Variants in FH observed in about 807,000 individuals in gnomAD.
FH encodes the protein fumarate hydratase, mitochondrial.
FH carries 22 observed loss-of-function variants against 49.4 expected under a neutral mutation model. The ratio of observed to expected loss-of-function variants is 0.45; its 90% CI spans 0.32 to 0.64. FH has a LOEUF of 0.64. Among genes scored for constraint, FH ranks in the 30% least tolerant of loss-of-function variants. The probability of loss-of-function intolerance (pLI) is 0.05; values close to 1 mark genes in which losing one functional copy is unlikely to be tolerated. For synonymous variants in FH, 208 were observed against 223.0 expected, an observed-to-expected ratio of 0.93 and a Z score of 0.60; for missense variants, 526 against 641.5, an observed-to-expected ratio of 0.82 and a Z score of 1.95.
chr1:241,511,892 TG>T, intron 4 of FH, 74 bp downstream of exon 4: 1 of 1,414,252 alleles, frequency 7.1e-7, no homozygotes, highest in South Asian at 1.2e-5. Flanking sequence ...AAAAAGTGAA[TG>T]CTTGTTTTAC....
At chr1:241,498,323 G>T (rs948990152) in intron 9 of FH, among the ~76,000 whole-genome samples, 2 of 151,920 alleles carry the variant, frequency 1.3e-5, no homozygotes, top group African/African-American at 4.8e-5. Context: ...TGTTTAACTA[G>T]AAACAATTAT....
chr1:241,502,598 A>G (rs777538608), intron 7 of FH, 28 bp from the exon 8 acceptor site: 7 of 1,612,706 alleles, frequency 4.3e-6, no homozygotes, highest in African/African-American at 1.3e-5. Context: ...ATGACAGAGT[A>G]AAGACTAAAT....
chr1:241,509,454 C>T (rs1660023831), intron 4 of FH, among the ~76,000 whole-genome samples: 1 of 152,140 alleles, frequency 6.6e-6, no homozygotes, highest in African/African-American at 2.4e-5. Flanking sequence ...GTGCTCTTTC[C>T]TCAACTGTTG....
intron 6 of FH, among the ~76,000 whole-genome samples, chr1:241,504,702 G>T (rs1412377675): frequency 6.6e-6 from 1 of 151,908 alleles, no homozygotes; most frequent in Non-Finnish European, 1.5e-5. Flanking sequence ...TTGGTCTCCT[G>T]AAGTGCTGGA....
intron 3 of FH, among the ~76,000 whole-genome samples, chr1:241,512,942 T>A (rs1660126988): frequency 6.6e-6 from 1 of 151,720 alleles, no homozygotes; most frequent in Non-Finnish European, 1.5e-5. Context: ...TGTGTGTATA[T>A]GAGAAACACA....
Position 241,517,447 on chromosome 1 carries a change from T to A in FH, c.133-131A>T, listed in dbSNP as rs532298224. 5.3e-6 allele frequency: 5 copies of A among 941,892 alleles called. No individual in the cohort carries two copies. The East Asian group carries it at 1.0e-4, about 20-fold the overall frequency. 58.3% of individuals were successfully genotyped at this position (941,892 alleles called of 1,614,324 possible). ...CAAAGACAAAAAAATACTATTTGGATTCTCATTCTCTTCCTCACTTTCAGG... is the reference window on the plus strand; with the variant it reads ...CAAAGACAAAAAAATACTATTTGGAATCTCATTCTCTTCCTCACTTTCAGG... On this transcript the variant is annotated intron_variant, in intron 1 of 9. Transcript: ENST00000366560.
chr1:241,506,112 G>A lies in FH; in HGVS notation c.795C>T (p.Ala265=), dbSNP rs2147917699. The A allele has an allele frequency of 6.2e-7, 1 of 1,613,818 alleles. No homozygotes were observed. The change falls in exon 6 of 10, where the codon GCC becomes GCT. Residue 265 remains alanine (A), a synonymous_variant. Transcript: ENST00000366560. ...VKYAMTRIKA[A]MPRIYELAAG... is the part of the protein sequence containing the mutation. ...CTGCGAGCTCATAGATTCTTGGCAT[G>A]GCAGCTTTTATTCTTGTCATTGCAT... is the stretch of plus-strand genomic sequence containing the variant.
intron 8 of FH, among the ~76,000 whole-genome samples, chr1:241,501,815 C>CATCTATCG (rs1659788288): frequency 6.6e-6 from 1 of 152,158 alleles, no homozygotes; most frequent in Admixed American, 6.5e-5. Flanking sequence ...TGGCGCGATG[C>CATCTATCG]ATCTATCGAT....
intron 4 of FH, chr1:241,511,749 TA>T (rs1660089199): frequency 1.9e-6 from 1 of 531,242 alleles, no homozygotes; most frequent in South Asian, 2.5e-5. Context: ...TTTTAAACAA[TA>T]AAAAAATACA....
chr1:241,516,554 T>A (rs1660216316), intron 2 of FH, among the ~76,000 whole-genome samples: 1 of 152,152 alleles, frequency 6.6e-6, no homozygotes, highest in Admixed American at 6.5e-5. Flanking sequence ...TTTTAATATC[T>A]AGGTGATGGG....
At chr1:241,502,404 T>C (rs1188264297) in intron 8 of FH, 39 bp downstream of exon 8, 2 of 1,612,632 alleles carry the variant, frequency 1.2e-6, no homozygotes, top group Non-Finnish European at 1.7e-6. Context: ...ATAATAAGCC[T>C]TTGGTCAAAA....
intron 5 of FH, among the ~76,000 whole-genome samples, chr1:241,507,414 A>T (rs1203461883): frequency 6.6e-6 from 1 of 152,134 alleles, no homozygotes; most frequent in African/African-American, 2.4e-5. Flanking sequence ...TAAGCAACAC[A>T]TGACTGTATG....
chr1:241,507,427 TAC>T lies in FH; in HGVS notation c.738+1174_738+1175del, dbSNP rs1261398479. Among the ~76,000 whole-genome samples the T allele has an allele frequency of 5.9e-5, 9 of 151,962 alleles. No homozygotes were observed. The South Asian group carries it at 1.9e-3, about 32-fold the overall frequency. Reference sequence around the variant, plus strand: ...GCTAAGCAACACATGACTGTATGTATACACACACACACAAACACACTAGATAG... The same window carrying T: ...GCTAAGCAACACATGACTGTATGTATACACACACACAAACACACTAGATAG... On this transcript the variant is annotated intron_variant, in intron 5 of 9. Transcript: ENST00000366560.
chr1:241,516,805 AC>A (rs1660227138), intron 2 of FH, among the ~76,000 whole-genome samples: 1 of 151,950 alleles, frequency 6.6e-6, no homozygotes, highest in South Asian at 2.1e-4. Flanking sequence ...GGCGCGCGCC[AC>A]CGTGCCCGGC....
chr1:241,517,134 C>T (rs2147925042), intron 2 of FH, 48 bp downstream of exon 2: 1 of 1,610,160 alleles, frequency 6.2e-7, no homozygotes. Context: ...CTCATGAATA[C>T]AGCCTACTTC....
At chr1:241,498,014 T>C (rs769969640) in intron 9 of FH, 44 bp from the exon 10 acceptor site, 2 of 1,607,754 alleles carry the variant, frequency 1.2e-6, no homozygotes, top group Non-Finnish European at 1.7e-6. Context: ...AGCAGTGATA[T>C]TTGGTTTCCT....
intron 2 of FH, among the ~76,000 whole-genome samples, chr1:241,515,025 C>T (rs962118274): frequency 7.2e-5 from 11 of 152,076 alleles, no homozygotes; most frequent in African/African-American, 2.2e-4. Context: ...AGAGGTTCAA[C>T]GAACACCATA....
In FH at chr1:241,500,602, TGAGAGAGAGA is replaced by T. The variant is rs144131869; in HGVS notation, c.1237-22_1237-13del. 9.1e-5 allele frequency: 136 copies of T among 1,490,698 alleles called. No individual in the cohort carries two copies. The highest frequency in any genetic ancestry group is 3.8e-4 in the African/African-American group (25 of 66,258). The allele number at this position is 1,490,698 out of a possible 1,614,324, so 92.3% of individuals were successfully genotyped here. Reference sequence around the variant, plus strand: ...AACACATTTTTAATCTTTGAGTGAGTGAGAGAGAGAGAGAGAGAGAGAGAGAGAGAGAGAG... The same window carrying T: ...AACACATTTTTAATCTTTGAGTGAGTGAGAGAGAGAGAGAGAGAGAGAGAG... On this transcript the variant is annotated splice_polypyrimidine_tract_variant and intron_variant, in intron 8 of 9. Transcript: ENST00000366560.
chr1:241,507,371 A>C (rs1659957377), intron 5 of FH, among the ~76,000 whole-genome samples: 1 of 152,082 alleles, frequency 6.6e-6, no homozygotes, highest in South Asian at 2.1e-4. Context: ...GAAATTGCCT[A>C]AGGATGCATT....
Sources: gnomAD v4.1 joint callset for allele counts (sites outside exome capture counted in the v4.1 genomes callset) on GRCh38, gnomAD v4.1.1 for gene constraint, MANE v1.5 for transcripts, NCBI Gene and HGNC (gene_info 2026-07-23, HGNC 2026-07-21) for gene names.